The following EXOC3L2 variants were observed in gnomAD, a reference collection of about 807,000 sequenced individuals.
EXOC3L2 encodes exocyst complex component 3-like protein 2.
A neutral mutation model predicts 44.4 loss-of-function variants in EXOC3L2; 17 were observed. That is an observed-to-expected ratio of 0.38 (90% confidence interval 0.26 to 0.57). EXOC3L2 has a LOEUF of 0.57. Among genes scored for constraint, EXOC3L2 ranks in the 20% least tolerant of loss-of-function variants. The pLI, the probability that EXOC3L2 is intolerant of heterozygous loss-of-function variation, is 0.65. For synonymous variants in EXOC3L2, 256 were observed against 253.7 expected (o/e 1.01, Z -0.09); for missense variants, 541 against 588.4 (o/e 0.92, Z 0.83).
At chr19:45,223,887 G>A (rs1339275878) in intron 8 of EXOC3L2, among the ~76,000 whole-genome samples, 3 of 151,998 alleles carry the variant, frequency 2.0e-5, no homozygotes, top group Admixed American at 1.3e-4. Context: ...CCAGCTACTA[G>A]GGAGGCTGAG....
At chr19:45,228,988 G>A (rs1307454114) in intron 4 of EXOC3L2, among the ~76,000 whole-genome samples, 1 of 150,072 alleles carries the variant, frequency 6.7e-6, no homozygotes, top group African/African-American at 2.5e-5. Flanking sequence ...GGAGAATGGC[G>A]TGAACCCGGG....
rs558082212 is a variant in EXOC3L2, at chr19:45,229,001, A to AC, written c.1270-736dup. ...CAGGAGAATGGCGTGAACCCGGGAG[A>AC]CGGAGCTTGCAGTGAGCCGAGATTG... On this transcript the variant is annotated intron_variant, in intron 4 of 11. Transcript: ENST00000413988. Among the ~76,000 whole-genome samples, 263 of 151,736 alleles carry AC rather than the reference A, an allele frequency of 1.7e-3. 1 individual carries two copies. Among genetic ancestry groups the AC allele is most frequent in the African/African-American group, 6.0e-3 (247 of 41,360 alleles).
At chr19:45,244,298 A>G (rs1033744731) in intron 1 of EXOC3L2, among the ~76,000 whole-genome samples, 3 of 151,554 alleles carry the variant, frequency 2.0e-5, no homozygotes, top group African/African-American at 7.3e-5. Context: ...CCTCCACCCC[A>G]TAACTGTCTC....
intron 11 of EXOC3L2, among the ~76,000 whole-genome samples, chr19:45,214,653 C>T (rs1000471139): frequency 2.0e-5 from 3 of 151,610 alleles, no homozygotes; most frequent in African/African-American, 7.3e-5. Flanking sequence ...TTAGTAGAGA[C>T]GGTGTTTCAC....
chr19:45,231,444 C>T (rs1267278943), intron 4 of EXOC3L2, among the ~76,000 whole-genome samples: 3 of 114,296 alleles, frequency 2.6e-5, no homozygotes, highest in African/African-American at 7.0e-5. Context: ...GGCAACAGAG[C>T]GAGACCCTGC....
chr19:45,222,318 G>T (rs1969907193), intron 8 of EXOC3L2, among the ~76,000 whole-genome samples: 1 of 151,164 alleles, frequency 6.6e-6, no homozygotes, highest in Non-Finnish European at 1.5e-5. Context: ...TCCTGCCTCA[G>T]CCTCCCGAGT....
chr19:45,215,660 T>A (rs1236980532), intron 11 of EXOC3L2, among the ~76,000 whole-genome samples: 1 of 152,092 alleles, frequency 6.6e-6, no homozygotes, highest in African/African-American at 2.4e-5. Flanking sequence ...AAACTGAGGC[T>A]CCGAGAAGGT....
chr19:45,216,763 C>A (rs1969839643), intron 10 of EXOC3L2: 1 of 152,360 alleles, frequency 6.6e-6, no homozygotes, highest in African/African-American at 2.4e-5. Context: ...GGAGACTGGA[C>A]AAAGTGTACA....
chr19:45,231,717 T>TC, intron 4 of EXOC3L2, 46 bp downstream of exon 4: 1 of 1,525,862 alleles, frequency 6.6e-7, no homozygotes, highest in Non-Finnish European at 9.0e-7. Flanking sequence ...TGTGACCCCC[T>TC]CCCTCCACAG....
At chr19:45,244,710 C>G (rs1272527801) in intron 1 of EXOC3L2, among the ~76,000 whole-genome samples, 3 of 152,154 alleles carry the variant, frequency 2.0e-5, no homozygotes, top group Non-Finnish European at 4.4e-5. Flanking sequence ...TGCAGCGGCC[C>G]TGACCTCGGT....
At chr19:45,219,786 A>G (rs1411332037) in intron 8 of EXOC3L2, among the ~76,000 whole-genome samples, 1 of 152,168 alleles carries the variant, frequency 6.6e-6, no homozygotes, top group Non-Finnish European at 1.5e-5. Flanking sequence ...TCCACTGGTA[A>G]ATGAAGGAAA....
At chr19:45,236,825 C>A (rs918135019) in intron 2 of EXOC3L2, among the ~76,000 whole-genome samples, 3 of 151,542 alleles carry the variant, frequency 2.0e-5, no homozygotes, top group African/African-American at 7.3e-5. Flanking sequence ...GGCAAAACCC[C>A]ATCTCTACAA....
At chr19:45,214,526 G>A (rs567335755) in intron 11 of EXOC3L2, among the ~76,000 whole-genome samples, 12 of 151,940 alleles carry the variant, frequency 7.9e-5, no homozygotes, top group East Asian at 7.8e-4. Context: ...GTGCAGTGGC[G>A]CGATCTCAGC....
chr19:45,242,628 G>A (rs191182843), intron 1 of EXOC3L2, among the ~76,000 whole-genome samples: 15 of 152,118 alleles, frequency 9.9e-5, no homozygotes, highest in African/African-American at 3.1e-4. Context: ...TTGGGAGGCC[G>A]AGGAGGGAGG....
chr19:45,233,480 T>C (rs560542841), intron 3 of EXOC3L2, among the ~76,000 whole-genome samples: 12 of 152,292 alleles, frequency 7.9e-5, no homozygotes, highest in African/African-American at 2.6e-4. Context: ...AGTGGGGCTA[T>C]GGTTCTAGGA....
At chr19:45,215,215 A>G (rs966838617) in intron 11 of EXOC3L2, among the ~76,000 whole-genome samples, 11 of 152,108 alleles carry the variant, frequency 7.2e-5, no homozygotes, top group African/African-American at 2.7e-4. Context: ...GGTGGCTCAC[A>G]CTTCCCCATT....
chr19:45,214,035 C>A (rs1404188713), intron 11 of EXOC3L2, among the ~76,000 whole-genome samples: 1 of 152,102 alleles, frequency 6.6e-6, no homozygotes, highest in African/African-American at 2.4e-5. Flanking sequence ...TCAAGCTCAA[C>A]CCCCTAAACC....
At position 45,213,285 on chromosome 19, in the gene EXOC3L2, G is replaced by A. The variant is rs375095520; in HGVS notation, c.2193C>T (p.Ala731=). The change falls in exon 12 of 12, where the codon GCC becomes GCT. Residue 731 remains alanine, a synonymous_variant. Coordinates refer to ENST00000413988, the MANE Select transcript of EXOC3L2 (RefSeq NM_001382422.1). ...RNTAARQEIL[A]VARDLELSEE... ...CAGAGAGTTCCAGGTCCCGGGCCAC[G>A]GCCAGGATCTCCTGGCGGGCGGCTG... The A allele has an allele frequency of 8.3e-5, 134 of 1,613,766 alleles. No homozygotes were observed. The highest frequency in any genetic ancestry group is 3.9e-4 in the African/African-American group (29 of 74,996).
At position 45,217,614 on chromosome 19, in the gene EXOC3L2, G is replaced by C; in HGVS notation, c.1912C>G (p.Arg638Gly). ...CTGCGGGTCCGCGCCGAGCTGCAGC[G>C]CAGGCGCCCACGGAGCAGGGGCCGC... ...YVRPLLRGRL[R>G]CSSARTRSRV... is the part of the protein sequence containing the mutation. Residue 638 changes from arginine (R) to glycine (G), a missense_variant, in exon 10 of 12, where the codon CGC becomes GGC. Arg to Gly is a moderately radical substitution (Grantham distance 125). Coordinates refer to ENST00000413988, the MANE Select transcript of EXOC3L2 (RefSeq NM_001382422.1). 1 of 1,504,206 alleles carries C rather than the reference G, an allele frequency of 6.6e-7. No homozygotes were observed. Among genetic ancestry groups the C allele is most frequent in the Non-Finnish European group, 8.8e-7 (1 of 1,134,604 alleles). The allele number at this position is 1,504,206 out of a possible 1,614,324, so 93.2% of individuals were successfully genotyped here. A position where few individuals can be genotyped will look rare whatever the true frequency, so the allele number is the denominator to read the frequency against.
Sources: allele counts gnomAD v4.1 joint callset (sites outside exome capture counted in the v4.1 genomes callset), GRCh38; gene constraint gnomAD v4.1.1; transcripts MANE v1.5; gene names NCBI Gene and HGNC (gene_info 2026-07-23, HGNC 2026-07-21).